COL21A1: variants seen among roughly 807,000 people sequenced by gnomAD.
COL21A1 encodes the protein collagen alpha-1(XXI) chain.
A neutral mutation model predicts 137.9 loss-of-function variants in COL21A1; 149 were observed. That is an observed-to-expected ratio of 1.08 (90% CI 0.95 to 1.24). The LOEUF is 1.24. Ranked by LOEUF, COL21A1 falls within the 50% of genes most tolerant of loss-of-function variation. The pLI, the probability that COL21A1 is intolerant of heterozygous loss-of-function variation, is 0.00. For synonymous variants in COL21A1, 456 were observed against 391.5 expected (o/e 1.16, Z -1.95); for missense variants, 1,167 against 1,158.4 (o/e 1.01, Z -0.11).
intron 10 of COL21A1, among the ~76,000 whole-genome samples, chr6:56,154,344 A>C (rs754217931): frequency 8.5e-5 from 13 of 152,184 alleles, no homozygotes; most frequent in Admixed American, 1.3e-4. Context: ...AGTCTGTGGC[A>C]TTCTGTTATG....
chr6:56,140,719 A>G (rs1366690468), intron 12 of COL21A1, among the ~76,000 whole-genome samples: 1 of 152,222 alleles, frequency 6.6e-6, no homozygotes, highest in African/African-American at 2.4e-5. Context: ...TGAAGCGGAA[A>G]CTTGGAAGGT....
chr6:56,343,936 A>T (rs2152345678), intron 1 of COL21A1, among the ~76,000 whole-genome samples: 1 of 152,286 alleles, frequency 6.6e-6, no homozygotes, highest in East Asian at 1.9e-4. Flanking sequence ...ACAAAGAAAG[A>T]CACTGTCTCA....
chr6:56,278,433 C>T (rs2397212), intron 1 of COL21A1, among the ~76,000 whole-genome samples: 34,559 of 152,010 alleles, frequency 0.23, 5,427 homozygotes, highest in East Asian at 0.67. Flanking sequence ...ATTCTTTGTC[C>T]TCTCATTCTC....
intron 24 of COL21A1, among the ~76,000 whole-genome samples, chr6:56,062,466 TCTC>T (rs1423904119): frequency 6.6e-6 from 1 of 152,116 alleles, no homozygotes; most frequent in African/African-American, 2.4e-5. Flanking sequence ...GGCTCAAAAA[TCTC>T]CTAATATTCA....
At chr6:56,350,882 G>A (rs969627198) in intron 1 of COL21A1, among the ~76,000 whole-genome samples, 6 of 152,176 alleles carry the variant, frequency 3.9e-5, no homozygotes, top group Non-Finnish European at 7.3e-5. Context: ...GGAGGTCCCC[G>A]TTTCTGTCAT....
At chr6:56,308,609 G>A (rs541951795) in intron 1 of COL21A1, among the ~76,000 whole-genome samples, 1 of 152,276 alleles carries the variant, frequency 6.6e-6, no homozygotes, top group African/African-American at 2.4e-5. Context: ...CAAAGGACGT[G>A]AAGTTTCAGT....
intron 16 of COL21A1, among the ~76,000 whole-genome samples, chr6:56,113,093 C>T (rs1771595051): frequency 6.6e-6 from 1 of 152,164 alleles, no homozygotes. Flanking sequence ...CTTCAGTCTC[C>T]AAGTAAACTT....
chr6:56,060,095 A>AATCCTCTGGG lies in COL21A1; in HGVS notation c.2521_2530dup (p.Leu844SerfsTer103), dbSNP rs778171595. Reference sequence around the variant, plus strand: ...ACCATCTCTTCCTGGCAAACCAGGTAATCCTCTGGGACCCTCTGGGCCTAT... The same window carrying AATCCTCTGGG: ...ACCATCTCTTCCTGGCAAACCAGGTAATCCTCTGGGATCCTCTGGGACCCTCTGGGCCTAT... On this transcript the variant is annotated frameshift_variant, in exon 28 of 30. Coordinates refer to ENST00000244728, the MANE Select transcript of COL21A1 (RefSeq NM_030820.4). LOFTEE classifies it high-confidence loss of function. The AATCCTCTGGG allele has an allele frequency of 1.2e-6, 2 of 1,609,976 alleles. No individual in the cohort carries two copies. Among genetic ancestry groups the AATCCTCTGGG allele is most frequent in the African/African-American group, 2.7e-5 (2 of 74,646 alleles).
intron 1 of COL21A1, among the ~76,000 whole-genome samples, chr6:56,270,864 T>C (rs1306291309): frequency 6.6e-6 from 1 of 152,204 alleles, no homozygotes; most frequent in African/African-American, 2.4e-5. Context: ...GCCACAATTG[T>C]AAGTTTCCTG....
rs1303832333 is a variant in COL21A1 at position 56,386,988 on chromosome 6, T to G, written c.-39+6983A>C. Reference sequence around the variant, plus strand: ...AAGGGTTAGGCCAGATGGCCTAGAGTGCTTCCCAGCACAAACATTCCCTCT... The same window carrying G: ...AAGGGTTAGGCCAGATGGCCTAGAGGGCTTCCCAGCACAAACATTCCCTCT... On this transcript the variant is annotated intron_variant, in intron 1 of 28. Coordinates refer to the COL21A1 transcript ENST00000370819. Among the ~76,000 whole-genome samples the G allele has an allele frequency of 2.0e-5, 3 of 152,266 alleles. No individual in the cohort carries two copies. The East Asian group carries it at 5.8e-4, about 29-fold the overall frequency.
At chr6:56,340,376 G>A (rs1264335533) in intron 1 of COL21A1, among the ~76,000 whole-genome samples, 1 of 148,224 alleles carries the variant, frequency 6.7e-6, no homozygotes, top group African/African-American at 2.5e-5. Context: ...GGGACTTGGG[G>A]CAAGGCACAC....
intron 17 of COL21A1, among the ~76,000 whole-genome samples, chr6:56,085,851 AT>A (rs1418097544): frequency 1.3e-5 from 2 of 150,738 alleles, no homozygotes; most frequent in African/African-American, 2.4e-5. Context: ...TTCTTTATAT[AT>A]TTTTTTCAAG....
At chr6:56,373,911 A>C (rs1047734894) in intron 1 of COL21A1, among the ~76,000 whole-genome samples, 2 of 152,168 alleles carry the variant, frequency 1.3e-5, no homozygotes, top group African/African-American at 4.8e-5. Flanking sequence ...GCTTTTAATA[A>C]ATTTATTTTC....
chr6:56,218,963 C>A (rs114564679), intron 1 of COL21A1, among the ~76,000 whole-genome samples: 2,661 of 152,058 alleles, frequency 0.017, 44 homozygotes, highest in Non-Finnish European at 0.028. Flanking sequence ...ATTCTATGGT[C>A]GTTCGGCATT....
intron 1 of COL21A1, among the ~76,000 whole-genome samples, chr6:56,255,113 G>A (rs934799744): frequency 2.6e-5 from 4 of 152,210 alleles, no homozygotes; most frequent in African/African-American, 7.2e-5. Flanking sequence ...TTAGGATGAT[G>A]GATGAAATGA....
At chr6:56,120,084 A>G in intron 16 of COL21A1, among the ~76,000 whole-genome samples, 1 of 152,228 alleles carries the variant, frequency 6.6e-6, no homozygotes. Context: ...TGCACAGAAA[A>G]GTATACAATC....
chr6:56,179,016 A>C (rs1185274149), intron 3 of COL21A1, among the ~76,000 whole-genome samples: 1 of 143,190 alleles, frequency 7.0e-6, no homozygotes. Flanking sequence ...AAAACAGGAA[A>C]AATTTAAAAT....
chr6:56,101,408 C>T, intron 17 of COL21A1, 64 bp downstream of exon 17: 2 of 1,269,560 alleles, frequency 1.6e-6, no homozygotes, highest in East Asian at 2.5e-5. Context: ...TTTAAATAAC[C>T]AAAAAGGATT....
intron 16 of COL21A1, among the ~76,000 whole-genome samples, chr6:56,122,417 A>G (rs1269179187): frequency 6.6e-6 from 1 of 151,118 alleles, no homozygotes; most frequent in Non-Finnish European, 1.5e-5. Context: ...GGATCATGCC[A>G]TTCTCCTGCC....
Sources: allele counts gnomAD v4.1 joint callset (sites outside exome capture counted in the v4.1 genomes callset), GRCh38; gene constraint gnomAD v4.1.1; transcripts MANE v1.5; gene names NCBI Gene and HGNC (gene_info 2026-07-23, HGNC 2026-07-21).